The following ASTN2 variants were observed in gnomAD, a reference collection of about 807,000 sequenced individuals.
ASTN2 encodes the protein astrotactin-2.
A neutral mutation model predicts 139.8 loss-of-function variants in ASTN2; 54 were observed. The ratio of observed to expected loss-of-function variants is 0.39; its 90% CI spans 0.31 to 0.48. The LOEUF (loss-of-function observed/expected upper bound fraction) is 0.48, where lower values mean the gene tolerates loss of function less well. ASTN2 is among the 20% of genes least tolerant of loss of function. ASTN2 has a pLI of 0.95. For synonymous variants in ASTN2, 756 were observed against 719.5 expected (o/e 1.05, Z -0.81); for missense variants, 1,565 against 1,725.1 (o/e 0.91, Z 1.64).
At chr9:116,910,143 A>G (rs181828187) in intron 10 of ASTN2, among the ~76,000 whole-genome samples, 1 of 152,348 alleles carries the variant, frequency 6.6e-6, no homozygotes, top group African/African-American at 2.4e-5. Context: ...AGCTAATGCA[A>G]TTTGAAGTCC....
chr9:116,514,945 G>T lies in ASTN2; in HGVS notation c.3356-27445C>A, dbSNP rs574061172. Among the ~76,000 whole-genome samples, 14 of 152,224 alleles carry T rather than the reference G, an allele frequency of 9.2e-5. No individual in the cohort carries two copies. In the South Asian group the frequency reaches 2.9e-3, roughly 32 times the overall value. On this transcript the variant is annotated intron_variant, in intron 19 of 22. Coordinates refer to ENST00000313400, the MANE Select transcript of ASTN2 (RefSeq NM_001365068.1). The stretch of plus-strand genomic sequence containing the variant: ...AATTCCCTGACCCTTTGTGCTTCCC[G>T]GGTGAGGCGATGCCTCACCCTGCTT...
At position 117,291,312 on chromosome 9, in the gene ASTN2, C is replaced by T. The variant is rs762722395; in HGVS notation, c.630+14G>A. The stretch of plus-strand genomic sequence containing the variant: ...CGCAATCCCCGACCCCGGTCACATC[C>T]CCCCATCACTCACCATCACAGAAAT... On this transcript the variant is annotated intron_variant, in intron 2 of 22. Transcript: ENST00000313400. 133 of 1,613,502 alleles carry T rather than the reference C, an allele frequency of 8.2e-5. No individual in the cohort carries two copies. The highest frequency in any genetic ancestry group is 1.0e-4 in the Non-Finnish European group (122 of 1,179,814).
chr9:116,685,887 A>T (rs911610497), intron 16 of ASTN2, among the ~76,000 whole-genome samples: 2 of 152,080 alleles, frequency 1.3e-5, no homozygotes, highest in African/African-American at 4.8e-5. Context: ...ACATATACAC[A>T]CATATATAAT....
intron 3 of ASTN2, among the ~76,000 whole-genome samples, chr9:117,183,488 C>A (rs1284180191): frequency 6.6e-6 from 1 of 152,178 alleles, no homozygotes; most frequent in Non-Finnish European, 1.5e-5. Flanking sequence ...TTTGTTCTTA[C>A]AACAACTCGG....
intron 19 of ASTN2, chr9:116,578,966 G>T (rs1025397434): frequency 1.3e-5 from 2 of 151,958 alleles, no homozygotes; most frequent in African/African-American, 4.8e-5. Flanking sequence ...TAGAGGAAGA[G>T]GGGTGGGCAA....
chr9:116,441,475 A>G (rs1251366085), intron 21 of ASTN2, among the ~76,000 whole-genome samples: 1 of 151,922 alleles, frequency 6.6e-6, no homozygotes. Context: ...TGCTCCTCCC[A>G]TTATGTTACA....
chr9:117,067,322 T>A (rs1372005515), intron 5 of ASTN2, among the ~76,000 whole-genome samples: 1 of 139,262 alleles, frequency 7.2e-6, no homozygotes, highest in Non-Finnish European at 1.6e-5. Flanking sequence ...GTTGTAGGTA[T>A]GCGGCATTAT....
chr9:116,740,511 TTTTA>T (rs1230687757), intron 13 of ASTN2, among the ~76,000 whole-genome samples: 1 of 152,050 alleles, frequency 6.6e-6, no homozygotes, highest in South Asian at 2.1e-4. Flanking sequence ...AGTTATTTTA[TTTTA>T]TTTATTTATT....
At chr9:117,335,946 A>T (rs1184984114) in intron 1 of ASTN2, among the ~76,000 whole-genome samples, 1 of 152,068 alleles carries the variant, frequency 6.6e-6, no homozygotes, top group Admixed American at 6.6e-5. Flanking sequence ...TATTCCAGGC[A>T]CACATTTAGC....
At chr9:117,022,190 G>A (rs1837904221) in intron 6 of ASTN2, among the ~76,000 whole-genome samples, 1 of 151,976 alleles carries the variant, frequency 6.6e-6, no homozygotes, top group South Asian at 2.1e-4. Context: ...CTGCCTCTGA[G>A]GACTGCAAAG....
rs1832538514 is a variant in ASTN2, at chr9:117,222,002, A to C, written c.631-7260T>G. The stretch of plus-strand genomic sequence containing the variant: ...TGAATTGTGACAATTTGATCTACAA[A>C]ATAGCTTCTATAACTTTCCATTTCT... On this transcript the variant is annotated intron_variant, in intron 2 of 22. Coordinates refer to ENST00000313400, the MANE Select transcript of ASTN2 (RefSeq NM_001365068.1). Among the ~76,000 whole-genome samples the C allele has an allele frequency of 2.6e-5, 4 of 152,156 alleles. No homozygotes were observed. In the South Asian group the frequency reaches 8.3e-4, roughly 32 times the overall value.
intron 3 of ASTN2, among the ~76,000 whole-genome samples, chr9:117,174,718 G>C (rs1324796834): frequency 6.6e-6 from 1 of 151,970 alleles, no homozygotes; most frequent in Non-Finnish European, 1.5e-5. Flanking sequence ...GATGCTGAAA[G>C]AGTATTTAAT....
At chr9:116,788,307 A>T (rs1239395801) in intron 13 of ASTN2, among the ~76,000 whole-genome samples, 1 of 152,166 alleles carries the variant, frequency 6.6e-6, no homozygotes, top group Non-Finnish European at 1.5e-5. Context: ...TATTTCAAAA[A>T]TTTGCTTTGA....
intron 6 of ASTN2, among the ~76,000 whole-genome samples, chr9:117,014,072 C>G (rs1230128531): frequency 1.3e-5 from 2 of 152,096 alleles, no homozygotes; most frequent in African/African-American, 4.8e-5. Flanking sequence ...AGATTCCCTC[C>G]CTTCTGTTAC....
intron 19 of ASTN2, chr9:116,545,605 C>T (rs1018273397): frequency 6.6e-6 from 1 of 152,034 alleles, no homozygotes; most frequent in African/African-American, 2.4e-5. Flanking sequence ...TATTTGAAAG[C>T]AATAGTTTAA....
chr9:117,301,576 T>C (rs1482215111), intron 1 of ASTN2, among the ~76,000 whole-genome samples: 4 of 152,270 alleles, frequency 2.6e-5, no homozygotes, highest in African/African-American at 9.6e-5. Flanking sequence ...TTCACCACTG[T>C]CCTACATAGG....
chr9:117,075,924 A>G (rs1828269281), intron 5 of ASTN2, among the ~76,000 whole-genome samples: 1 of 152,138 alleles, frequency 6.6e-6, no homozygotes, highest in African/African-American at 2.4e-5. Context: ...TATTAAGAAG[A>G]GAGGTTCCTC....
chr9:116,711,414 A>G (rs1400640059), intron 16 of ASTN2, among the ~76,000 whole-genome samples: 1 of 152,222 alleles, frequency 6.6e-6, no homozygotes, highest in African/African-American at 2.4e-5. Context: ...TAAGAAAACA[A>G]ATTGCAAAAG....
In ASTN2 at chr9:116,565,381, CTCTCTCCATATA is replaced by C. The variant is rs1214901436; in HGVS notation, c.3355+52931_3355+52942del. On this transcript the variant is annotated intron_variant, in intron 19 of 22. Coordinates refer to ENST00000313400, the MANE Select transcript of ASTN2 (RefSeq NM_001365068.1). ...TCTCTCTCTCTCTCTCTCTCTCTCT[CTCTCTCCATATA>C]TATATATATATATATATATATATAT... is the stretch of plus-strand genomic sequence containing the variant. 3.7e-3 allele frequency among the ~76,000 whole-genome samples: 129 copies of C among 34,708 alleles called. 1 individual carries two copies. In the South Asian group the frequency reaches 0.048, roughly 13 times the overall value. 22.8% of individuals were successfully genotyped at this position (34,708 alleles called of 152,430 possible). A position where few individuals can be genotyped will look rare whatever the true frequency, so the allele number is the denominator to read the frequency against.
Sources: gnomAD v4.1 joint callset for allele counts (sites outside exome capture counted in the v4.1 genomes callset) on GRCh38, gnomAD v4.1.1 for gene constraint, MANE v1.5 for transcripts, NCBI Gene and HGNC (gene_info 2026-07-23, HGNC 2026-07-21) for gene names.